Variants in QRICH1 observed in about 807,000 individuals in gnomAD.
QRICH1 encodes glutamine rich 1.
QRICH1 carries 16 observed loss-of-function variants against 87.1 expected under a neutral mutation model. The observed-to-expected ratio is 0.18, with a 90% CI of 0.12 to 0.28. QRICH1 has a LOEUF of 0.28. QRICH1 is among the 10% of genes least tolerant of loss of function. QRICH1 has a pLI of 1.00. For synonymous variants in QRICH1, 367 were observed against 368.4 expected, an observed-to-expected ratio of 1.00 and a Z score of 0.05; for missense variants, 647 against 951.7, an observed-to-expected ratio of 0.68 and a Z score of 4.21.
chr3:49,055,096 A>G (rs1313627696), intron 3 of QRICH1, among the ~76,000 whole-genome samples: 1 of 152,100 alleles, frequency 6.6e-6, no homozygotes, highest in Non-Finnish European at 1.5e-5. Context: ...GAAGCAAAAA[A>G]CCTTCTCTTA....
At chr3:49,043,005 T>TATAGTTCATAGCACTATGA (rs2093319328) in intron 6 of QRICH1, among the ~76,000 whole-genome samples, 1 of 152,140 alleles carries the variant, frequency 6.6e-6, no homozygotes, top group Admixed American at 6.6e-5. Context: ...AACACAATAA[T>TATAGTTCATAGCACTATGA]ATAGTTCATA....
At chr3:49,083,704 C>G (rs1237607185) in intron 1 of QRICH1, among the ~76,000 whole-genome samples, 2 of 151,600 alleles carry the variant, frequency 1.3e-5, no homozygotes, top group East Asian at 3.9e-4. Flanking sequence ...GCAGTTTGAG[C>G]CTGCAATGAG....
At chr3:49,038,481 C>A (rs532346916) in intron 6 of QRICH1, among the ~76,000 whole-genome samples, 11 of 151,272 alleles carry the variant, frequency 7.3e-5, no homozygotes, top group Admixed American at 2.6e-4. Context: ...GGTGTGATCT[C>A]GGCTCACTGC....
At chr3:49,042,089 T>C (rs2106845895) in intron 6 of QRICH1, among the ~76,000 whole-genome samples, 1 of 149,932 alleles carries the variant, frequency 6.7e-6, no homozygotes, top group East Asian at 2.0e-4. Flanking sequence ...TTTTTTTTTT[T>C]TTGGGCGGGG....
At chr3:49,075,330 C>CA (rs941226226) in intron 2 of QRICH1, among the ~76,000 whole-genome samples, 2,080 of 65,794 alleles carry the variant, frequency 0.032, 25 homozygotes, top group Middle Eastern at 0.045. Flanking sequence ...CCCTGTCCCT[C>CA]AAAAAAAAAA....
At chr3:49,046,965 T>C in intron 4 of QRICH1, 104 bp downstream of exon 4, 1 of 1,306,864 alleles carries the variant, frequency 7.7e-7, no homozygotes, top group African/African-American at 1.5e-5. Context: ...TGTTGCTCTC[T>C]TGTCCCCAAG....
rs371920734 is a variant in QRICH1, at chr3:49,056,842, A to G, written c.1338+20T>C. Reference sequence around the variant, plus strand: ...CCTGAGGGACCAGGCTGCCTGCCCTACTGATAAGTCTTCACTTACTGAACA... The same window carrying G: ...CCTGAGGGACCAGGCTGCCTGCCCTGCTGATAAGTCTTCACTTACTGAACA... On this transcript the variant is annotated intron_variant, in intron 3 of 9. Transcript: ENST00000395443. 4.6e-5 allele frequency: 75 copies of G among 1,614,000 alleles called. No individual in the cohort carries two copies. The Middle Eastern group carries it at 8.2e-4, about 18-fold the overall frequency.
intron 2 of QRICH1, among the ~76,000 whole-genome samples, chr3:49,064,681 C>A (rs553578531): frequency 1.3e-5 from 2 of 151,934 alleles, no homozygotes; most frequent in South Asian, 4.2e-4. Flanking sequence ...CTGGCTAACA[C>A]GGTGAAACCC....
Position 49,076,806 on chromosome 3 carries a change from C to A in QRICH1, c.212G>T (p.Gly71Val). 4 of 1,613,038 alleles carry A rather than the reference C, an allele frequency of 2.5e-6. No individual in the cohort carries two copies. The highest frequency in any genetic ancestry group is 3.4e-6 in the Non-Finnish European group (4 of 1,179,346). ...TGGACAGGCAAGTTCAAGCAAAGACCCAGCCACTTCAGTGCTGTCTGTGTA... is the reference window on the plus strand; with the variant it reads ...TGGACAGGCAAGTTCAAGCAAAGACACAGCCACTTCAGTGCTGTCTGTGTA... Reference protein sequence around the residue: ...CIYTDSTEVAGSLLELACPVT... With the variant: ...CIYTDSTEVAVSLLELACPVT... The change falls in exon 2 of 10, where the codon GGG (glycine) becomes GTG (valine). Residue 71 changes from glycine (G) to valine (V), a missense_variant. By Grantham distance (109) the Gly-to-Val change is moderately radical. Around this residue, in one of 7 missense-constraint regions of QRICH1, gnomAD observed 56 missense variants for 109.6 expected, o/e 0.51. Transcript: ENST00000395443.
intron 3 of QRICH1, among the ~76,000 whole-genome samples, chr3:49,052,504 CCT>C (rs756478285): frequency 2.0e-5 from 3 of 151,908 alleles, no homozygotes; most frequent in African/African-American, 7.3e-5. Flanking sequence ...CAATTCTGCC[CCT>C]TTTTTGTTTG....
intron 3 of QRICH1, among the ~76,000 whole-genome samples, chr3:49,047,517 C>G (rs1390014481): frequency 7.5e-6 from 1 of 132,528 alleles, no homozygotes; most frequent in Admixed American, 8.6e-5. Flanking sequence ...GAGTTTTCCT[C>G]TTGTTGCTCA....
chr3:49,049,623 G>T (rs939359186), intron 3 of QRICH1, among the ~76,000 whole-genome samples: 19 of 151,778 alleles, frequency 1.3e-4, no homozygotes, highest in Admixed American at 5.9e-4. Flanking sequence ...TCAGCCTCCC[G>T]AGTAGCTGGG....
chr3:49,066,131 A>G (rs2093467075), intron 2 of QRICH1, among the ~76,000 whole-genome samples: 1 of 152,062 alleles, frequency 6.6e-6, no homozygotes, highest in Non-Finnish European at 1.5e-5. Flanking sequence ...CCAAGAATAC[A>G]AAAAAATTAG....
chr3:49,043,619 G>A (rs1318817361), intron 6 of QRICH1, among the ~76,000 whole-genome samples: 1 of 152,108 alleles, frequency 6.6e-6, no homozygotes, highest in Non-Finnish European at 1.5e-5. Flanking sequence ...ACAAAGTCAG[G>A]AGTTTGAGAC....
At chr3:49,080,563 T>C (rs1006693555) in intron 1 of QRICH1, among the ~76,000 whole-genome samples, 5 of 152,038 alleles carry the variant, frequency 3.3e-5, no homozygotes, top group Non-Finnish European at 5.9e-5. Context: ...CTGAAAAACC[T>C]TCGTGACTAT....
At position 49,039,977 on chromosome 3, in the gene QRICH1, CTTGAACCCCAGAGGCGGAGG is replaced by C. The variant is rs570232748; in HGVS notation, c.1786+4393_1786+4412del. 5.3e-3 allele frequency among the ~76,000 whole-genome samples: 803 copies of C among 152,270 alleles called. 4 individuals carry two copies. The highest frequency in any genetic ancestry group is 0.024 in the Middle Eastern group (7 of 294). ...TTGGGAGGCTGAGGCACGAGAATCA[CTTGAACCCCAGAGGCGGAGG>C]TTGAAGTCAGCCGAGATCATACCAC... On this transcript the variant is annotated intron_variant, in intron 6 of 9. Transcript: ENST00000395443.
chr3:49,084,256 T>A (rs2042126299), intron 1 of QRICH1, among the ~76,000 whole-genome samples: 2 of 151,504 alleles, frequency 1.3e-5, no homozygotes, highest in Admixed American at 1.3e-4. Flanking sequence ...TAAATTCTTT[T>A]TTATTTTTAT....
At chr3:49,079,256 A>C (rs555119967) in intron 1 of QRICH1, among the ~76,000 whole-genome samples, 36 of 152,012 alleles carry the variant, frequency 2.4e-4, no homozygotes, top group Admixed American at 2.1e-3. Flanking sequence ...AAACAAACAA[A>C]CAAAAAAATT....
chr3:49,067,836 A>T lies in QRICH1; in HGVS notation c.309+8873T>A, dbSNP rs189563446. On this transcript the variant is annotated intron_variant, in intron 2 of 9. Transcript: ENST00000395443. ...TGTCTCTCCTAAAAATACAAAAAAA[A>T]TTAGCTCAGAAGGCGGAGGCAGGAG... Among the ~76,000 whole-genome samples, 26 of 152,196 alleles carry T rather than the reference A, an allele frequency of 1.7e-4. No homozygotes were observed. The East Asian group carries it at 2.3e-3, about 14-fold the overall frequency.
Sources: gnomAD v4.1 joint callset for allele counts (sites outside exome capture counted in the v4.1 genomes callset) on GRCh38, gnomAD v4.1.1 for gene constraint, gnomAD v4.1.1 regional missense constraint, MANE v1.5 for transcripts, NCBI Gene and HGNC (gene_info 2026-07-23, HGNC 2026-07-21) for gene names.